Variants in EML6 observed in about 807,000 individuals in gnomAD.
The protein encoded by EML6 is echinoderm microtubule-associated protein-like 6.
A neutral mutation model predicts 240.1 loss-of-function variants in EML6; 154 were observed. That is an observed-to-expected ratio of 0.64 (90% confidence interval 0.56 to 0.73). EML6 has a LOEUF of 0.73. EML6 is among the 30% of genes least tolerant of loss of function. EML6 has a pLI of 0.00. For missense variants in EML6, 2,964 were observed against 2,474.6 expected (o/e 1.20, Z -4.20); for synonymous variants, 1,148 against 899.0 (o/e 1.28, Z -4.95).
intron 33 of EML6, among the ~76,000 whole-genome samples, 162 bp from the exon 34 acceptor site, chr2:54,958,942 G>C (rs762456540): frequency 6.6e-6 from 1 of 152,180 alleles, no homozygotes; most frequent in Admixed American, 6.5e-5. Context: ...ATGTGCTCTC[G>C]GTGATTTCTT....
At chr2:54,864,454 G>A (rs891644032) in intron 13 of EML6, among the ~76,000 whole-genome samples, 1 of 152,194 alleles carries the variant, frequency 6.6e-6, no homozygotes, top group South Asian at 2.1e-4. Flanking sequence ...TTTTTTGGAA[G>A]TTGACATATC....
intron 12 of EML6, among the ~76,000 whole-genome samples, chr2:54,863,174 A>G (rs907993383): frequency 1.8e-4 from 27 of 152,378 alleles, no homozygotes; most frequent in African/African-American, 6.5e-4. Flanking sequence ...TTGGGTGGGC[A>G]TGGTTAAAAG....
chr2:54,833,018 G>A (rs781662220), intron 7 of EML6, among the ~76,000 whole-genome samples: 7 of 152,226 alleles, frequency 4.6e-5, no homozygotes, highest in Non-Finnish European at 8.8e-5. Flanking sequence ...CAATGGAAAT[G>A]TAGCGATTTC....
At chr2:54,962,770 C>A in intron 36 of EML6, 59 bp downstream of exon 36, 1 of 1,371,424 alleles carries the variant, frequency 7.3e-7, no homozygotes, top group Non-Finnish European at 9.6e-7. Context: ...GCAGTGGGAG[C>A]TGAGCGAGGA....
At chr2:54,735,021 C>G (rs202208072) in intron 2 of EML6, among the ~76,000 whole-genome samples, 5 of 152,188 alleles carry the variant, frequency 3.3e-5, no homozygotes, top group Admixed American at 3.3e-4. Context: ...TTCCCTGAAT[C>G]TGGCATCCTA....
intron 5 of EML6, among the ~76,000 whole-genome samples, chr2:54,824,671 T>C (rs1668502539): frequency 6.6e-6 from 1 of 152,174 alleles, no homozygotes; most frequent in Non-Finnish European, 1.5e-5. Context: ...ACAGTAACAG[T>C]TGAGCATCGG....
intron 35 of EML6, 38 bp downstream of exon 35, chr2:54,960,372 A>T: frequency 2.0e-6 from 3 of 1,468,986 alleles, no homozygotes; most frequent in Non-Finnish European, 2.8e-6. Flanking sequence ...TGGGCCAGGG[A>T]AGGGGGAAGT....
At chr2:54,913,862 G>A (rs775493390) in intron 25 of EML6, among the ~76,000 whole-genome samples, 2 of 152,076 alleles carry the variant, frequency 1.3e-5, no homozygotes, top group East Asian at 1.9e-4. Context: ...GTCCAGTTTC[G>A]TTCTTCTGCA....
At position 54,962,720 on chromosome 2, in the gene EML6, G is replaced by A. The variant is rs561422032; in HGVS notation, c.5157+9G>A. 1.2e-5 allele frequency: 17 copies of A among 1,461,992 alleles called. No individual in the cohort carries two copies. Among genetic ancestry groups the A allele is most frequent in the African/African-American group, 1.0e-4 (7 of 69,472 alleles). 90.6% of individuals were successfully genotyped at this position (1,461,992 alleles called of 1,614,324 possible). A position where few individuals can be genotyped will look rare whatever the true frequency, so the allele number is the denominator to read the frequency against. ...GGGACCTGGCTGACAAGGTGAGGCC[G>A]ACTCTGCCCAAACTCAGATGCCCAC... On this transcript the variant is annotated intron_variant, in intron 36 of 41. Transcript: ENST00000356458.
chr2:54,826,612 C>A (rs546194188), intron 5 of EML6, among the ~76,000 whole-genome samples: 7 of 152,156 alleles, frequency 4.6e-5, no homozygotes, highest in Admixed American at 2.6e-4. Context: ...CCTGCCCCCC[C>A]AAAAAAACTA....
intron 2 of EML6, among the ~76,000 whole-genome samples, chr2:54,789,532 A>AAAG (rs1558549414): frequency 7.0e-6 from 1 of 143,344 alleles, no homozygotes; most frequent in Admixed American, 7.5e-5. Flanking sequence ...AAAAAAAAAA[A>AAAG]AAAAAAAAAA....
intron 11 of EML6, among the ~76,000 whole-genome samples, chr2:54,856,717 A>G (rs1670401856): frequency 6.6e-6 from 1 of 152,218 alleles, no homozygotes. Flanking sequence ...GCTGTGTCGT[A>G]AAGGGCCCCC....
chr2:54,857,909 T>A (rs1043811873), intron 11 of EML6, among the ~76,000 whole-genome samples: 29 of 152,228 alleles, frequency 1.9e-4, no homozygotes, highest in African/African-American at 7.0e-4. Flanking sequence ...ATTAATGACA[T>A]TAATGCTTTT....
chr2:54,805,573 G>T (rs1670424686), intron 2 of EML6, among the ~76,000 whole-genome samples: 1 of 152,002 alleles, frequency 6.6e-6, no homozygotes, highest in Non-Finnish European at 1.5e-5. Context: ...TATATATTCT[G>T]GGTAGAACTT....
Position 54,962,595 on chromosome 2 carries a change from C to T in EML6, c.5041C>T (p.Leu1681=). Residue 1681 remains leucine (L), a synonymous_variant, in exon 36 of 42, where the codon CTG becomes TTG. Transcript: ENST00000356458. The part of the protein sequence containing the change: ...VGEKNAASNI[L]IDGHMEGEIW... ...TGAAAAAAATGCTGCTTCTAACATC[C>T]TGATTGATGGTCACATGGAAGGGGA... The T allele has an allele frequency of 6.5e-7, 1 of 1,549,704 alleles. No homozygotes were observed. Among genetic ancestry groups the T allele is most frequent in the Non-Finnish European group, 8.7e-7 (1 of 1,146,022 alleles).
chr2:54,863,938 C>A (rs759917708), intron 13 of EML6, 49 bp downstream of exon 13: 3 of 1,017,534 alleles, frequency 2.9e-6, no homozygotes, highest in South Asian at 1.5e-5. Context: ...AAGGGGATCT[C>A]ATTCCTGGAT....
intron 16 of EML6, among the ~76,000 whole-genome samples, chr2:54,875,208 G>A (rs1007810263): frequency 6.6e-6 from 1 of 152,218 alleles, no homozygotes; most frequent in African/African-American, 2.4e-5. Context: ...AGTGAAGAGA[G>A]ATCCCGTTCT....
At position 54,962,693 on chromosome 2, in the gene EML6, C is replaced by T. The variant is rs775213584; in HGVS notation, c.5139C>T (p.Ile1713=). 42 of 1,496,154 alleles carry T rather than the reference C, an allele frequency of 2.8e-5. No homozygotes were observed. Among genetic ancestry groups the T allele is most frequent in the Non-Finnish European group, 3.6e-5 (40 of 1,119,660 alleles). 92.7% of individuals were successfully genotyped at this position (1,496,154 alleles called of 1,614,324 possible). A position where few individuals can be genotyped will look rare whatever the true frequency, so the allele number is the denominator to read the frequency against. Residue 1713 remains isoleucine, a synonymous_variant, in exon 36 of 42, where the codon ATC becomes ATT. Coordinates refer to ENST00000356458, the MANE Select transcript of EML6 (RefSeq NM_001039753.4). The stretch of plus-strand genomic sequence containing the variant: ...CCAGCAACGATGGCACAGCCCGGAT[C>T]TGGGACCTGGCTGACAAGGTGAGGC... ...ISASNDGTAR[I]WDLADKKLLN...
At chr2:54,822,123 C>T (rs1475661853) in intron 5 of EML6, among the ~76,000 whole-genome samples, 1 of 152,042 alleles carries the variant, frequency 6.6e-6, no homozygotes, top group Non-Finnish European at 1.5e-5. Context: ...AGAAAACTGA[C>T]AAATAGAAAC....
Sources: allele counts gnomAD v4.1 joint callset (sites outside exome capture counted in the v4.1 genomes callset), GRCh38; gene constraint gnomAD v4.1.1; transcripts MANE v1.5; gene names NCBI Gene and HGNC (gene_info 2026-07-23, HGNC 2026-07-21).